SLC48A1: variants seen among roughly 807,000 people sequenced by gnomAD.
SLC48A1 encodes the protein heme transporter HRG1.
SLC48A1 carries 6 observed loss-of-function variants against 14.8 expected under a neutral mutation model. The ratio of observed to expected loss-of-function variants is 0.41; its 90% CI spans 0.22 to 0.80. SLC48A1 has a LOEUF of 0.80. SLC48A1 is among the 30% of genes least tolerant of loss of function. The pLI, the probability that SLC48A1 is intolerant of heterozygous loss-of-function variation, is 0.34. For synonymous variants in SLC48A1, 89 were observed against 90.0 expected, an observed-to-expected ratio of 0.99 and a Z score of 0.06; for missense variants, 165 against 204.8, an observed-to-expected ratio of 0.81 and a Z score of 1.19.
chr12:47,780,206 G>A lies in SLC48A1; in HGVS notation c.366G>A (p.Trp122Ter). ...TCTGGAGCTTCATTTCCTTCAAGTG[G>A]GCCTTCCTGCTCAGCCTCTATGCCC... Reference protein sequence around the residue: ...SSVWSFISFKWAFLLSLYAHR... With the variant: ...SSVWSFISFK The change falls in exon 3 of 3, where the codon TGG becomes TGA. Residue 122 changes from tryptophan to a stop codon, truncating the protein, a stop_gained. Transcript: ENST00000442218. LOFTEE classifies it high-confidence loss of function. 6.2e-7 allele frequency: 1 copy of A among 1,614,086 alleles called. No individual in the cohort carries two copies. The highest frequency in any genetic ancestry group is 8.5e-7 in the Non-Finnish European group (1 of 1,179,972).
chr12:47,765,837 C>T (rs1224498380), intron 2 of SLC48A1, among the ~76,000 whole-genome samples: 1 of 152,242 alleles, frequency 6.6e-6, no homozygotes, highest in East Asian at 1.9e-4. Flanking sequence ...GTGCCTTATA[C>T]AGAGAAGACC....
upstream of SLC48A1, among the ~76,000 whole-genome samples, chr12:47,754,951 G>C (rs1454930251): frequency 6.6e-6 from 1 of 152,208 alleles, no homozygotes; most frequent in Non-Finnish European, 1.5e-5. Flanking sequence ...TGTCAGAGCT[G>C]GGCTGGAGAG....
upstream of SLC48A1, chr12:47,773,131 G>T (rs897611804): frequency 8.1e-5 from 75 of 930,688 alleles, no homozygotes; most frequent in South Asian, 2.4e-4. Flanking sequence ...TTCCGGGCGC[G>T]GGCGGCCTCC....
Position 47,780,265 on chromosome 12 carries a change from T to A in SLC48A1, c.425T>A (p.Ile142Asn). ...CGGGCTGACTTTGCTGACATCAGCA[T>A]CCTCAGCGATTTCTGACCCAGGGGG... Reference protein sequence around the residue: ...RYRADFADISILSDF With the variant: ...RYRADFADISNLSDF Residue 142 changes from isoleucine (I) to asparagine (N), a missense_variant, in exon 3 of 3, where the codon ATC becomes AAC. Physicochemically the swap from Ile to Asn is moderately radical, Grantham distance 149. Coordinates refer to ENST00000442218, the MANE Select transcript of SLC48A1 (RefSeq NM_017842.3). 1.2e-6 allele frequency: 2 copies of A among 1,614,232 alleles called. No individual in the cohort carries two copies. The highest frequency in any genetic ancestry group is 1.7e-6 in the Non-Finnish European group (2 of 1,180,032).
intron 2 of SLC48A1, among the ~76,000 whole-genome samples, chr12:47,761,741 G>A (rs1336135483): frequency 6.6e-6 from 1 of 152,192 alleles, no homozygotes; most frequent in Non-Finnish European, 1.5e-5. Flanking sequence ...CTTGGCAGGT[G>A]TGTTAAGACA....
chr12:47,757,574 A>T (rs1158003215), upstream of SLC48A1, among the ~76,000 whole-genome samples: 2 of 152,020 alleles, frequency 1.3e-5, no homozygotes, highest in African/African-American at 4.8e-5. Flanking sequence ...CAAGTACCTA[A>T]CTCAATGCCG....
intron 2 of SLC48A1, 42 bp from the exon 3 acceptor site, chr12:47,780,103 C>T (rs759755772): frequency 6.7e-7 from 1 of 1,500,350 alleles, no homozygotes; most frequent in Middle Eastern, 1.8e-4. Flanking sequence ...AGGCCGAGGG[C>T]AGGGCCTGCC....
chr12:47,779,891 T>C (rs1942830280), intron 2 of SLC48A1, among the ~76,000 whole-genome samples: 1 of 152,148 alleles, frequency 6.6e-6, no homozygotes. Flanking sequence ...CGATCTGAGG[T>C]GGAACAGTTT....
chr12:47,772,366 T>TA (rs530981600), upstream of SLC48A1: 131 of 154,758 alleles, frequency 8.5e-4, no homozygotes, highest in African/African-American at 3.1e-3. Flanking sequence ...GGATAAGGCT[T>TA]GTGCTGATAA....
At chr12:47,767,101 A>G (rs1942531889), upstream of SLC48A1, among the ~76,000 whole-genome samples, 1 of 144,418 alleles carries the variant, frequency 6.9e-6, no homozygotes. Context: ...GTGGGGTAGA[A>G]TGGGGAGAGG....
intron 2 of SLC48A1, among the ~76,000 whole-genome samples, chr12:47,760,719 T>C (rs1470304602): frequency 1.3e-5 from 2 of 149,872 alleles, no homozygotes; most frequent in Non-Finnish European, 3.0e-5. Context: ...ACGTCACAGA[T>C]GGGGAAACTG....
chr12:47,758,901 C>T (rs1046526606), intron 1 of SLC48A1: 14 of 1,101,132 alleles, frequency 1.3e-5, no homozygotes, highest in African/African-American at 1.6e-5. Context: ...CGGGCGGGAG[C>T]TGTCACACCC....
intron 1 of SLC48A1, among the ~76,000 whole-genome samples, chr12:47,776,640 T>C (rs1169417914): frequency 3.3e-5 from 5 of 152,094 alleles, no homozygotes; most frequent in Admixed American, 6.5e-5. Context: ...TGGAGCAAGG[T>C]TGAGGGAAGG....
chr12:47,771,024 C>T (rs545112380), upstream of SLC48A1: 20 of 431,726 alleles, frequency 4.6e-5, no homozygotes, highest in East Asian at 2.2e-4. Flanking sequence ...CACTCTCCAC[C>T]GGCAGCTCCT....
chr12:47,756,525 T>C (rs1942061987), upstream of SLC48A1: 1 of 152,040 alleles, frequency 6.6e-6, no homozygotes. Flanking sequence ...ACATGTGGAC[T>C]CTCCTCTCAA....
At chr12:47,763,318 T>C (rs1469154496) in intron 2 of SLC48A1, among the ~76,000 whole-genome samples, 1 of 152,066 alleles carries the variant, frequency 6.6e-6, no homozygotes, top group African/African-American at 2.4e-5. Flanking sequence ...AGAGGGAGGA[T>C]GGAGGAAAAT....
At chr12:47,758,318 CTT>C (rs554933281), upstream of SLC48A1, 2 of 1,434,972 alleles carry the variant, frequency 1.4e-6, no homozygotes, top group South Asian at 3.0e-5. Flanking sequence ...TCTTAGTCCT[CTT>C]TGGAATTCTG....
upstream of SLC48A1, chr12:47,770,855 A>C (rs1000244351): frequency 1.3e-5 from 6 of 456,532 alleles, no homozygotes; most frequent in Non-Finnish European, 2.2e-5. Context: ...CAAACGACTT[A>C]CAGTTTCCCA....
chr12:47,762,175 A>G (rs1288703295), intron 2 of SLC48A1, among the ~76,000 whole-genome samples: 5 of 152,046 alleles, frequency 3.3e-5, no homozygotes, highest in African/African-American at 1.2e-4. Flanking sequence ...ACCCTCCCCC[A>G]TTCCCTTCAA....
Sources: gnomAD v4.1 joint callset for allele counts (sites outside exome capture counted in the v4.1 genomes callset) on GRCh38, gnomAD v4.1.1 for gene constraint, MANE v1.5 for transcripts, NCBI Gene and HGNC (gene_info 2026-07-23, HGNC 2026-07-21) for gene names.